The following DTWD2 variants were observed in gnomAD, a reference collection of about 807,000 sequenced individuals.
DTWD2 encodes the protein DTW motif tRNA-uridine aminocarboxypropyltransferase 2, also known as tRNA-uridine aminocarboxypropyltransferase 2.
Under a neutral mutation model 31.8 loss-of-function variants are expected in DTWD2, and 39 were observed. That is an observed-to-expected ratio of 1.22 (90% CI 0.95 to 1.60). The LOEUF (loss-of-function observed/expected upper bound fraction) is 1.60, where lower values mean the gene tolerates loss of function less well. DTWD2 is among the 40% of genes most tolerant of loss of function. The probability of loss-of-function intolerance (pLI) is 0.00; values close to 1 mark genes in which losing one functional copy is unlikely to be tolerated. For missense variants in DTWD2, 515 were observed against 381.5 expected, an observed-to-expected ratio of 1.35 and a Z score of -2.92; for synonymous variants, 180 against 142.8, an observed-to-expected ratio of 1.26 and a Z score of -1.86.
chr5:118,869,409 T>C (rs1752453614), intron 4 of DTWD2, among the ~76,000 whole-genome samples: 1 of 152,032 alleles, frequency 6.6e-6, no homozygotes, highest in African/African-American at 2.4e-5. Flanking sequence ...AATACAAAGA[T>C]TGAGGAGGGG....
intron 2 of DTWD2, among the ~76,000 whole-genome samples, chr5:118,942,941 T>C (rs1754238614): frequency 1.3e-5 from 2 of 152,214 alleles, no homozygotes; most frequent in South Asian, 2.1e-4. Flanking sequence ...TAGCTAGGCC[T>C]ATAGGCATAC....
At chr5:118,953,362 G>C (rs1754508879) in intron 1 of DTWD2, among the ~76,000 whole-genome samples, 2 of 152,188 alleles carry the variant, frequency 1.3e-5, no homozygotes, top group Non-Finnish European at 2.9e-5. Flanking sequence ...AAAGCTTGAT[G>C]AACTTTTGTG....
At chr5:118,956,389 C>G (rs2149591054) in intron 1 of DTWD2, among the ~76,000 whole-genome samples, 1 of 152,216 alleles carries the variant, frequency 6.6e-6, no homozygotes, top group Middle Eastern at 3.4e-3. Context: ...CTTCTTTTCT[C>G]ATTAAGGATG....
chr5:118,974,410 T>A (rs1283319375), intron 1 of DTWD2, among the ~76,000 whole-genome samples: 1 of 152,242 alleles, frequency 6.6e-6, no homozygotes, highest in Admixed American at 6.5e-5. Flanking sequence ...TTACATTTTA[T>A]ATTTTTGTAC....
intron 1 of DTWD2, among the ~76,000 whole-genome samples, chr5:118,987,648 TAC>T (rs1755457487): frequency 6.6e-6 from 1 of 152,210 alleles, no homozygotes. Context: ...GAGAATACTC[TAC>T]AAAAACATGA....
chr5:118,918,392 T>A (rs1000286900), intron 4 of DTWD2, among the ~76,000 whole-genome samples: 5 of 151,174 alleles, frequency 3.3e-5, no homozygotes, highest in Non-Finnish European at 7.4e-5. Context: ...AGTGGCACGA[T>A]CTCGGCTCAT....
chr5:118,886,963 G>A (rs751013585), intron 4 of DTWD2, among the ~76,000 whole-genome samples: 19 of 152,034 alleles, frequency 1.2e-4, no homozygotes, highest in East Asian at 7.7e-4. Flanking sequence ...AAAGAAACCC[G>A]AATTAACAAT....
intron 5 of DTWD2, 128 bp downstream of exon 5, chr5:118,847,962 C>G: frequency 9.6e-7 from 1 of 1,041,640 alleles, no homozygotes; most frequent in Non-Finnish European, 1.3e-6. Flanking sequence ...TATAAAAGTA[C>G]ATAAATTTCT....
rs115965630 is a variant in DTWD2, at chr5:118,841,708, A to G, written c.727-621T>C. Among the ~76,000 whole-genome samples, 519 of 152,316 alleles carry G rather than the reference A, an allele frequency of 3.4e-3. 4 individuals carry two copies. Among genetic ancestry groups the G allele is most frequent in the African/African-American group, 0.012 (509 of 41,568 alleles). On this transcript the variant is annotated intron_variant, in intron 5 of 5. Transcript: ENST00000510708. Reference sequence around the variant, plus strand: ...AAACTGGGTGGATCTTTACAAGCCAACAGAGAATAGTGGCGGCTGTAATAC... The same window carrying G: ...AAACTGGGTGGATCTTTACAAGCCAGCAGAGAATAGTGGCGGCTGTAATAC...
chr5:118,981,179 G>A (rs966747214), intron 1 of DTWD2, among the ~76,000 whole-genome samples: 5 of 152,110 alleles, frequency 3.3e-5, no homozygotes, highest in African/African-American at 4.8e-5. Context: ...AGGTTACCAG[G>A]GTCTCAGGGG....
At chr5:118,909,839 C>T (rs1011256308) in intron 4 of DTWD2, among the ~76,000 whole-genome samples, 2 of 152,206 alleles carry the variant, frequency 1.3e-5, no homozygotes, top group Non-Finnish European at 2.9e-5. Context: ...CTGTATTCCC[C>T]CGTACTTAGC....
intron 1 of DTWD2, among the ~76,000 whole-genome samples, chr5:118,960,690 G>C (rs1203510701): frequency 6.6e-6 from 1 of 152,110 alleles, no homozygotes; most frequent in Non-Finnish European, 1.5e-5. Context: ...ATGAGCATCA[G>C]TGGTAGACTG....
intron 4 of DTWD2, among the ~76,000 whole-genome samples, chr5:118,915,478 C>T (rs939858155): frequency 1.1e-4 from 17 of 151,830 alleles, no homozygotes; most frequent in African/African-American, 3.9e-4. Flanking sequence ...AGGTTCACGC[C>T]ATTCTCCTGC....
chr5:118,870,506 C>A (rs1392752256), intron 4 of DTWD2, among the ~76,000 whole-genome samples: 1 of 152,114 alleles, frequency 6.6e-6, no homozygotes, highest in African/African-American at 2.4e-5. Context: ...TTTTGGTTTC[C>A]CAGCACATAT....
chr5:118,981,568 CCTCT>C (rs1360613066), intron 1 of DTWD2, among the ~76,000 whole-genome samples: 2 of 152,058 alleles, frequency 1.3e-5, no homozygotes, highest in East Asian at 3.9e-4. Context: ...CCAACCCCTC[CCTCT>C]CTCTAAGAGA....
intron 3 of DTWD2, among the ~76,000 whole-genome samples, chr5:118,929,330 A>C (rs1004946729): frequency 1.3e-5 from 2 of 152,216 alleles, no homozygotes. Flanking sequence ...AGGAGTATGC[A>C]CCTGTAACAA....
intron 1 of DTWD2, among the ~76,000 whole-genome samples, chr5:118,958,009 T>C (rs1473979169): frequency 2.6e-5 from 4 of 152,184 alleles, no homozygotes; most frequent in Non-Finnish European, 5.9e-5. Flanking sequence ...AGCCTATCTA[T>C]TAAAATGCAC....
At chr5:118,960,698 C>A (rs1278324879) in intron 1 of DTWD2, among the ~76,000 whole-genome samples, 1 of 151,984 alleles carries the variant, frequency 6.6e-6, no homozygotes, top group Non-Finnish European at 1.5e-5. Context: ...CAGTGGTAGA[C>A]TGGATAAAGA....
intron 4 of DTWD2, among the ~76,000 whole-genome samples, chr5:118,853,534 G>A (rs964452603): frequency 5.3e-5 from 8 of 152,152 alleles, no homozygotes; most frequent in Non-Finnish European, 1.0e-4. Flanking sequence ...TAAAAAAAAT[G>A]TGGTACATTT....
Sources: allele counts gnomAD v4.1 joint callset (sites outside exome capture counted in the v4.1 genomes callset), GRCh38; gene constraint gnomAD v4.1.1; transcripts MANE v1.5; gene names NCBI Gene and HGNC (gene_info 2026-07-23, HGNC 2026-07-21).